The following CTXND1 variants were observed in gnomAD, a reference collection of about 807,000 sequenced individuals.
CTXND1 encodes cortexin domain-containing 1 protein.
rs1865996 is a variant in CTXND1, at chr15:80,199,258, A to G, written c.*2512T>C. ...AAACCACCTAGCGAATCTTGCTAAT[A>G]TACATTCTGTACGTAGGTCTGGAGG... On this transcript the variant is annotated 3_prime_UTR_variant, in exon 3 of 3. Coordinates refer to ENST00000560778, the MANE Select transcript of CTXND1 (RefSeq NM_001352888.2). The G allele has an allele frequency of 0.41, 62,529 of 152,016 alleles. 12,873 individuals are homozygous for G. Among genetic ancestry groups the G allele is most frequent in the African/African-American group, 0.45 (18,624 of 41,432 alleles). 9.4% of individuals were successfully genotyped at this position (152,016 alleles called of 1,614,324 possible). A position where few individuals can be genotyped will look rare whatever the true frequency, so the allele number is the denominator to read the frequency against.
Position 80,220,127 on chromosome 15 carries a change from TATCTATCTATCTATCTATC to T in CTXND1, c.-217-16406_-217-16388del, listed in dbSNP as rs1156867755. On this transcript the variant is annotated intron_variant, in intron 1 of 2. Coordinates refer to ENST00000560778, the MANE Select transcript of CTXND1 (RefSeq NM_001352888.2). ...CTATCTATCTATCTATCTATCTATC[TATCTATCTATCTATCTATC>T]ATCTATCTATCTATCTATCTATCTA... Among the ~76,000 whole-genome samples the T allele has an allele frequency of 6.3e-3, 710 of 113,420 alleles. 2 individuals are homozygous for T. The highest frequency in any genetic ancestry group is 0.011 in the Non-Finnish European group (573 of 52,814). The allele number at this position is 113,420 out of a possible 152,430, so 74.4% of individuals were successfully genotyped here.
intron 1 of CTXND1, among the ~76,000 whole-genome samples, chr15:80,225,433 T>A (rs1278628217): frequency 2.0e-5 from 3 of 150,762 alleles, no homozygotes; most frequent in Admixed American, 2.0e-4. Context: ...TTCCCCTTTT[T>A]TCCCCACCAT....
chr15:80,232,489 T>C (rs1340245505), intron 1 of CTXND1, among the ~76,000 whole-genome samples: 1 of 152,232 alleles, frequency 6.6e-6, no homozygotes, highest in African/African-American at 2.4e-5. Flanking sequence ...TTGTTTTTAA[T>C]GGAAAGAATC....
chr15:80,229,314 T>C (rs1426269734), intron 1 of CTXND1, among the ~76,000 whole-genome samples: 1 of 152,210 alleles, frequency 6.6e-6, no homozygotes, highest in African/African-American at 2.4e-5. Flanking sequence ...TTGCTGGTCA[T>C]ACCAAGGTAA....
At chr15:80,221,397 A>T (rs1042919089) in intron 1 of CTXND1, among the ~76,000 whole-genome samples, 1 of 152,174 alleles carries the variant, frequency 6.6e-6, no homozygotes, top group Non-Finnish European at 1.5e-5. Context: ...TATTGTAAAG[A>T]AATATTACTA....
At chr15:80,237,768 G>A (rs931886377) in intron 1 of CTXND1, among the ~76,000 whole-genome samples, 3 of 152,088 alleles carry the variant, frequency 2.0e-5, no homozygotes, top group Middle Eastern at 3.2e-3. Flanking sequence ...CAGCACTTTG[G>A]AAGGCTGAGG....
At chr15:80,227,627 A>G (rs922707088) in intron 1 of CTXND1, among the ~76,000 whole-genome samples, 5 of 152,254 alleles carry the variant, frequency 3.3e-5, no homozygotes, top group Non-Finnish European at 7.3e-5. Flanking sequence ...TAAAAGTTAT[A>G]TGTACACTAT....
chr15:80,233,705 G>A (rs755912604), intron 1 of CTXND1, among the ~76,000 whole-genome samples: 11 of 152,176 alleles, frequency 7.2e-5, no homozygotes, highest in Non-Finnish European at 1.6e-4. Context: ...CCCCCACAGC[G>A]ACTCAGACAA....
intron 1 of CTXND1, among the ~76,000 whole-genome samples, chr15:80,242,253 G>A (rs1160477096): frequency 4.6e-5 from 7 of 152,228 alleles, no homozygotes; most frequent in Non-Finnish European, 7.3e-5. Flanking sequence ...CACCCCAGGT[G>A]TCCACTCTGT....
At chr15:80,202,142 C>A in intron 2 of CTXND1, 128 bp from the exon 3 acceptor site, 1 of 388,034 alleles carries the variant, frequency 2.6e-6, no homozygotes, top group Non-Finnish European at 4.5e-6. Flanking sequence ...TCAGACCACC[C>A]TGCAGGAGGG....
chr15:80,214,263 G>GAACATTTAAAGAT (rs200555879), intron 1 of CTXND1, among the ~76,000 whole-genome samples: 2 of 151,864 alleles, frequency 1.3e-5, no homozygotes, highest in East Asian at 1.9e-4. Flanking sequence ...ATATGTGTTT[G>GAACATTTAAAGAT]AACATTTAAA....
intron 1 of CTXND1, among the ~76,000 whole-genome samples, chr15:80,241,178 T>A (rs1474883515): frequency 6.6e-6 from 1 of 152,088 alleles, no homozygotes; most frequent in Admixed American, 6.6e-5. Flanking sequence ...TGTGTGTGCA[T>A]CTGTGGGCAG....
intron 1 of CTXND1, among the ~76,000 whole-genome samples, chr15:80,250,458 T>C (rs1893680430): frequency 6.6e-6 from 1 of 152,234 alleles, no homozygotes; most frequent in Non-Finnish European, 1.5e-5. Context: ...ATTTTCCACA[T>C]GTATTTGGGT....
intron 1 of CTXND1, among the ~76,000 whole-genome samples, chr15:80,219,348 A>T (rs956589145): frequency 3.0e-4 from 46 of 152,146 alleles, no homozygotes; most frequent in African/African-American, 1.1e-3. Context: ...TCCTCATGCC[A>T]ATACATGTAA....
At chr15:80,239,654 A>C (rs1893542365) in intron 1 of CTXND1, among the ~76,000 whole-genome samples, 1 of 152,110 alleles carries the variant, frequency 6.6e-6, no homozygotes, top group African/African-American at 2.4e-5. Context: ...TGATTGTGTA[A>C]GTTAATACTT....
Position 80,212,284 on chromosome 15 carries a change from C to T in CTXND1, c.-217-8544G>A, listed in dbSNP as rs186973782. 3.3e-3 allele frequency among the ~76,000 whole-genome samples: 497 copies of T among 152,330 alleles called. 2 individuals are homozygous for T. Among genetic ancestry groups the T allele is most frequent in the African/African-American group, 0.011 (476 of 41,570 alleles). ...CAAATAAATCCTTGCACATGAATCA[C>T]TGCCTCAGAGTCTGCTTTGGGGTAA... On this transcript the variant is annotated intron_variant, in intron 1 of 2. Transcript: ENST00000560778.
intron 1 of CTXND1, among the ~76,000 whole-genome samples, chr15:80,227,034 G>A (rs1180421576): frequency 1.3e-5 from 2 of 152,050 alleles, no homozygotes; most frequent in African/African-American, 2.4e-5. Context: ...TAGGGATCAT[G>A]GTTTATTGAG....
In CTXND1 at chr15:80,252,092, T is replaced by C. The variant is rs1893704112; in HGVS notation, c.-303A>G. On this transcript the variant is annotated 5_prime_UTR_variant, in exon 1 of 3. Coordinates refer to ENST00000560778, the MANE Select transcript of CTXND1 (RefSeq NM_001352888.2). Reference sequence around the variant, plus strand: ...CGACCGCGGATCGCCGGCTACGGCGTTTCCCGGTGACGGGGGCGCGGGCTC... The same window carrying C: ...CGACCGCGGATCGCCGGCTACGGCGCTTCCCGGTGACGGGGGCGCGGGCTC... 6.6e-6 allele frequency: 1 copy of C among 151,554 alleles called. No individual in the cohort carries two copies. Among genetic ancestry groups the C allele is most frequent in the African/African-American group, 2.4e-5 (1 of 41,338 alleles). 9.4% of individuals were successfully genotyped at this position (151,554 alleles called of 1,614,324 possible).
intron 1 of CTXND1, among the ~76,000 whole-genome samples, chr15:80,223,911 C>A (rs1313359193): frequency 6.6e-6 from 1 of 152,058 alleles, no homozygotes; most frequent in African/African-American, 2.4e-5. Flanking sequence ...GAGGTTGAGT[C>A]CATGCGTCCC....
Sources: allele counts gnomAD v4.1 joint callset (sites outside exome capture counted in the v4.1 genomes callset), GRCh38; gene constraint gnomAD v4.1.1; transcripts MANE v1.5; gene names NCBI Gene and HGNC (gene_info 2026-07-23, HGNC 2026-07-21).